Variants in SYNE2 observed in about 807,000 individuals in gnomAD.
The protein encoded by SYNE2 is spectrin repeat containing nuclear envelope protein 2, also known as nesprin-2.
In SYNE2, 431 loss-of-function variants were observed where a neutral mutation model predicts 856.3. The ratio of observed to expected loss-of-function variants is 0.50; its 90% CI spans 0.47 to 0.55. The LOEUF is 0.55. Among genes scored for constraint, SYNE2 ranks in the 20% least tolerant of loss-of-function variants. SYNE2 has a pLI of 0.00. For synonymous variants in SYNE2, 2,923 were observed against 2,872.3 expected (o/e 1.02, Z -0.56); for missense variants, 8,129 against 8,023.2 (o/e 1.01, Z -0.50).
intron 34 of SYNE2, 44 bp from the exon 35 acceptor site, chr14:64,019,948 G>T (rs1417174807): frequency 7.8e-7 from 1 of 1,276,588 alleles, no homozygotes; most frequent in Non-Finnish European, 1.1e-6. Context: ...AGAAAATAAG[G>T]TATGAAATAA....
intron 50 of SYNE2, among the ~76,000 whole-genome samples, chr14:64,063,234 G>T (rs2097331137): frequency 6.6e-6 from 1 of 152,150 alleles, no homozygotes; most frequent in Non-Finnish European, 1.5e-5. Context: ...TTTTAGTAGA[G>T]ACGGGGTTTC....
chr14:64,047,639 A>G (rs1391541529), intron 45 of SYNE2, among the ~76,000 whole-genome samples: 1 of 152,252 alleles, frequency 6.6e-6, no homozygotes, highest in Non-Finnish European at 1.5e-5. Context: ...TTAAACTACC[A>G]GTAGGTAACA....
chr14:64,065,163 A>C (rs960475771), intron 50 of SYNE2, among the ~76,000 whole-genome samples: 7 of 152,168 alleles, frequency 4.6e-5, no homozygotes, highest in African/African-American at 1.7e-4. Flanking sequence ...GCGTCTGGCA[A>C]ATATTTGCTT....
chr14:63,857,374 C>T (rs1595212943), intron 1 of SYNE2, among the ~76,000 whole-genome samples: 2 of 152,138 alleles, frequency 1.3e-5, no homozygotes, highest in South Asian at 4.1e-4. Context: ...TATCTTTTCA[C>T]CCATTGATAG....
chr14:63,776,209 A>C (rs770366189), intron 1 of SYNE2, among the ~76,000 whole-genome samples: 1 of 152,230 alleles, frequency 6.6e-6, no homozygotes. Context: ...AAATTATTGC[A>C]TGAACCCTTA....
intron 19 of SYNE2, among the ~76,000 whole-genome samples, chr14:63,989,282 C>T (rs1324411947): frequency 6.6e-6 from 1 of 151,974 alleles, no homozygotes; most frequent in South Asian, 2.1e-4. Context: ...CATGTCTATC[C>T]CTACTCTTAG....
intron 83 of SYNE2, among the ~76,000 whole-genome samples, chr14:64,144,988 G>A (rs1413942304): frequency 6.1e-5 from 9 of 148,032 alleles, no homozygotes; most frequent in African/African-American, 7.5e-5. Flanking sequence ...GTGCAGTGGC[G>A]CGATCTCGGC....
Position 63,991,061 on chromosome 14 carries a change from T to C in SYNE2, c.2592T>C (p.Ala864=). 3.1e-6 allele frequency: 5 copies of C among 1,614,140 alleles called. No individual in the cohort carries two copies. Among genetic ancestry groups the C allele is most frequent in the Non-Finnish European group, 4.2e-6 (5 of 1,180,002 alleles). The change falls in exon 21 of 116, where the codon GCT becomes GCC. Residue 864 remains alanine (A), a synonymous_variant. Transcript: ENST00000555002. ...AACTTGAATCATATATGATGAGGGC[T>C]CAGCAGTTACTGGGGCAAAGAGAGA... is the stretch of plus-strand genomic sequence containing the variant. ...QKELESYMMR[A]QQLLGQRESP...
At chr14:64,170,172 A>G (rs1307801533) in intron 93 of SYNE2, 56 bp from the exon 94 acceptor site, 20 of 1,543,908 alleles carry the variant, frequency 1.3e-5, no homozygotes, top group Non-Finnish European at 1.8e-5. Flanking sequence ...ACCCACTGAT[A>G]GTTATTTTTT....
chr14:63,913,477 T>A (rs1272620837), intron 2 of SYNE2, among the ~76,000 whole-genome samples: 1 of 151,302 alleles, frequency 6.6e-6, no homozygotes, highest in Non-Finnish European at 1.5e-5. Context: ...TTTTTTTTTT[T>A]TCTGAGACAG....
At chr14:63,774,680 G>A (rs1421202392) in intron 1 of SYNE2, among the ~76,000 whole-genome samples, 1 of 151,712 alleles carries the variant, frequency 6.6e-6, no homozygotes, top group African/African-American at 2.4e-5. Flanking sequence ...GACTACAGAT[G>A]TGCATTACTA....
intron 52 of SYNE2, 48 bp from the exon 53 acceptor site, chr14:64,073,920 T>C (rs776992263): frequency 1.9e-6 from 3 of 1,588,830 alleles, no homozygotes; most frequent in Admixed American, 3.3e-5. Flanking sequence ...ATTTTATTCA[T>C]AGAAGAGCAG....
chr14:63,895,648 G>C (rs895137292), intron 1 of SYNE2, among the ~76,000 whole-genome samples: 1 of 148,072 alleles, frequency 6.8e-6, no homozygotes, highest in African/African-American at 2.5e-5. Context: ...TGTGCCTATT[G>C]TCCCAGGTAC....
chr14:64,132,535 C>A (rs1306063026), intron 77 of SYNE2, 97 bp downstream of exon 77: 3 of 1,489,132 alleles, frequency 2.0e-6, no homozygotes, highest in Non-Finnish European at 2.8e-6. Context: ...TATCATTAAG[C>A]TATAGTTAAA....
chr14:63,837,895 G>A (rs1418923107), intron 1 of SYNE2, among the ~76,000 whole-genome samples: 5 of 116,730 alleles, frequency 4.3e-5, no homozygotes, highest in Admixed American at 1.2e-4. Context: ...CTCCAGGCTG[G>A]ATGACAAAGT....
intron 65 of SYNE2, chr14:64,113,037 C>G: frequency 3.0e-6 from 3 of 985,342 alleles, no homozygotes; most frequent in Non-Finnish European, 3.6e-6. Flanking sequence ...CACACACACA[C>G]CCTGTCACTC....
intron 1 of SYNE2, among the ~76,000 whole-genome samples, chr14:63,800,221 AGGTTTTTT>A (rs1470855665): frequency 6.6e-6 from 1 of 151,920 alleles, no homozygotes; most frequent in Admixed American, 6.6e-5. Flanking sequence ...GTATAATAAT[AGGTTTTTT>A]GGTTTTTTTT....
chr14:63,863,980 C>G (rs1894511048), intron 1 of SYNE2, among the ~76,000 whole-genome samples: 1 of 152,048 alleles, frequency 6.6e-6, no homozygotes, highest in Non-Finnish European at 1.5e-5. Context: ...CGGCACCACG[C>G]TTGACTAATT....
In SYNE2 at chr14:63,815,099, T is replaced by A. The variant is rs190849858; in HGVS notation, c.-304-37402T>A. Among the ~76,000 whole-genome samples the A allele has an allele frequency of 8.1e-4, 111 of 137,542 alleles. 2 individuals are homozygous for A. The highest frequency in any genetic ancestry group is 1.5e-3 in the Non-Finnish European group (96 of 65,086). The allele number at this position is 137,542 out of a possible 152,430, so 90.2% of individuals were successfully genotyped here. A position where few individuals can be genotyped will look rare whatever the true frequency, so the allele number is the denominator to read the frequency against. On this transcript the variant is annotated intron_variant, in intron 1 of 23. Transcript: ENST00000674003. ...ATATATCCATATATATGCACATATA[T>A]ATCCACACATATATCCATATATATC...
Sources: gnomAD v4.1 joint callset for allele counts (sites outside exome capture counted in the v4.1 genomes callset) on GRCh38, gnomAD v4.1.1 for gene constraint, MANE v1.5 for transcripts, NCBI Gene and HGNC (gene_info 2026-07-23, HGNC 2026-07-21) for gene names.